NECTIN3: variants seen among roughly 807,000 people sequenced by gnomAD.
NECTIN3 encodes nectin cell adhesion molecule 3, also known as nectin-3.
In NECTIN3, 8 loss-of-function variants were observed where a neutral mutation model predicts 49.4. That is an observed-to-expected ratio of 0.16 (90% CI 0.10 to 0.29). The LOEUF (loss-of-function observed/expected upper bound fraction) is 0.29, where lower values mean the gene tolerates loss of function less well. Ranked by LOEUF, NECTIN3 falls within the 10% of genes least tolerant of loss-of-function variation. NECTIN3 has a pLI of 1.00. For missense variants in NECTIN3, 581 were observed against 654.6 expected (o/e 0.89, Z 1.23); for synonymous variants, 277 against 241.1 (o/e 1.15, Z -1.38).
At chr3:111,093,727 T>C (rs2032413284) in intron 1 of NECTIN3, among the ~76,000 whole-genome samples, 2 of 152,216 alleles carry the variant, frequency 1.3e-5, no homozygotes, top group Admixed American at 6.5e-5. Flanking sequence ...TGAGCCACCG[T>C]GCCTGGCTTT....
chr3:111,075,088 T>C (rs1235646352), intron 1 of NECTIN3: 2 of 152,072 alleles, frequency 1.3e-5, no homozygotes, highest in East Asian at 1.9e-4. Flanking sequence ...GACTACTTGA[T>C]AGGCACTTGG....
At chr3:111,105,339 C>T (rs981556466) in intron 1 of NECTIN3, among the ~76,000 whole-genome samples, 4 of 151,826 alleles carry the variant, frequency 2.6e-5, no homozygotes, top group Admixed American at 2.0e-4. Context: ...GGCCATATTG[C>T]CCAGGCTGGT....
chr3:111,142,942 G>C (rs555899687), intron 5 of NECTIN3, among the ~76,000 whole-genome samples: 4 of 151,932 alleles, frequency 2.6e-5, no homozygotes, highest in Admixed American at 2.6e-4. Flanking sequence ...TTGGTGTGGA[G>C]TAAATAACGT....
intron 1 of NECTIN3, among the ~76,000 whole-genome samples, chr3:111,079,840 T>C (rs140762181): frequency 6.6e-6 from 1 of 152,164 alleles, no homozygotes; most frequent in African/African-American, 2.4e-5. Context: ...TATAGTAGCT[T>C]CCCCATTCCT....
chr3:111,151,078 A>G (rs547298629), intron 7 of NECTIN3, among the ~76,000 whole-genome samples: 1 of 152,014 alleles, frequency 6.6e-6, no homozygotes, highest in Non-Finnish European at 1.5e-5. Context: ...ATTGTTTAGT[A>G]CCATATTCTT....
intron 7 of NECTIN3, among the ~76,000 whole-genome samples, chr3:111,155,717 A>T (rs912193906): frequency 1.3e-5 from 2 of 152,142 alleles, no homozygotes; most frequent in African/African-American, 4.8e-5. Flanking sequence ...AGTTCTTTTG[A>T]TATGTTAAAA....
Position 111,122,336 on chromosome 3 carries a change from T to C in NECTIN3, c.917+98T>C, listed in dbSNP as rs1306456268. The C allele has an allele frequency of 3.6e-6, 3 of 827,490 alleles. No individual in the cohort carries two copies. The African/African-American group carries it at 5.3e-5, about 15-fold the overall frequency. 51.3% of individuals were successfully genotyped at this position (827,490 alleles called of 1,614,324 possible). A position where few individuals can be genotyped will look rare whatever the true frequency, so the allele number is the denominator to read the frequency against. On this transcript the variant is annotated intron_variant, in intron 4 of 5. Transcript: ENST00000485303. ...TTATCTGTATAATACATGATTATAG[T>C]AATAGCAGAAAATTTTAATTAAATT...
intron 2 of NECTIN3, among the ~76,000 whole-genome samples, chr3:111,117,110 G>T (rs938648624): frequency 6.6e-6 from 1 of 151,974 alleles, no homozygotes; most frequent in Admixed American, 6.6e-5. Flanking sequence ...ATATACAATT[G>T]TATGTAAATC....
At chr3:111,109,030 A>C (rs1373035310) in intron 1 of NECTIN3, among the ~76,000 whole-genome samples, 1 of 152,186 alleles carries the variant, frequency 6.6e-6, no homozygotes, top group African/African-American at 2.4e-5. Flanking sequence ...TGGGAAGTCC[A>C]AGATCCATGT....
At chr3:111,192,970 T>C (rs1158622416) in intron 1 of NECTIN3, among the ~76,000 whole-genome samples, 1 of 152,186 alleles carries the variant, frequency 6.6e-6, no homozygotes, top group African/African-American at 2.4e-5. Flanking sequence ...CCAGTCCCCA[T>C]TAGTCACAAT....
intron 5 of NECTIN3, among the ~76,000 whole-genome samples, chr3:111,129,254 C>G (rs987703094): frequency 1.1e-4 from 16 of 152,124 alleles, no homozygotes; most frequent in African/African-American, 3.9e-4. Context: ...ACCCTCCCTT[C>G]TCACCCCTTT....
chr3:111,093,355 A>G (rs893913179), intron 1 of NECTIN3, among the ~76,000 whole-genome samples: 6 of 152,020 alleles, frequency 3.9e-5, no homozygotes, highest in East Asian at 1.9e-4. Context: ...TAGTGTGACC[A>G]TATTTTAAAG....
rs1235915667 is a variant in NECTIN3, at chr3:111,136,963, T to C, written c.*2748T>C. 2.0e-6 allele frequency: 2 copies of C among 976,038 alleles called. No individual in the cohort carries two copies. Among genetic ancestry groups the C allele is most frequent in the African/African-American group, 1.8e-5 (1 of 56,972 alleles). The allele number at this position is 976,038 out of a possible 1,614,324, so 60.5% of individuals were successfully genotyped here. On this transcript the variant is annotated 3_prime_UTR_variant, in exon 6 of 6. Transcript: ENST00000485303. ...TACCACGTGCCTAGTAGGGTTCTAT[T>C]TGCTAACTCTAATATTGAGGAAACT...
At chr3:111,108,151 A>G (rs2033268427) in intron 1 of NECTIN3, among the ~76,000 whole-genome samples, 2 of 152,158 alleles carry the variant, frequency 1.3e-5, no homozygotes, top group African/African-American at 4.8e-5. Flanking sequence ...AAGATGAAAA[A>G]TAAATCTTGA....
At chr3:111,167,903 C>G (rs2035351710) in intron 7 of NECTIN3, among the ~76,000 whole-genome samples, 1 of 152,052 alleles carries the variant, frequency 6.6e-6, no homozygotes, top group Non-Finnish European at 1.5e-5. Flanking sequence ...ACATTATGTA[C>G]CAGCTTCTGT....
At chr3:111,148,138 G>A (rs2034921431) in intron 7 of NECTIN3, among the ~76,000 whole-genome samples, 1 of 152,120 alleles carries the variant, frequency 6.6e-6, no homozygotes, top group Admixed American at 6.5e-5. Context: ...CTGTACTGGG[G>A]TTGTATAACC....
chr3:111,071,955 G>A lies in NECTIN3; in HGVS notation c.-63G>A. 1 of 1,263,116 alleles carries A rather than the reference G, an allele frequency of 7.9e-7. No individual in the cohort carries two copies. The highest frequency in any genetic ancestry group is 1.8e-5 in the South Asian group (1 of 55,618). 78.2% of individuals were successfully genotyped at this position (1,263,116 alleles called of 1,614,324 possible). A position where few individuals can be genotyped will look rare whatever the true frequency, so the allele number is the denominator to read the frequency against. Reference sequence around the variant, plus strand: ...CTTCCACAGCCTCCGCCCAGAGCCTGAGGCGCCGGGGCCGGGGGAGCCGGG... The same window carrying A: ...CTTCCACAGCCTCCGCCCAGAGCCTAAGGCGCCGGGGCCGGGGGAGCCGGG... On this transcript the variant is annotated 5_prime_UTR_variant, in exon 1 of 6. Transcript: ENST00000485303.
chr3:111,078,374 C>T (rs1320623609), intron 1 of NECTIN3, among the ~76,000 whole-genome samples: 1 of 152,078 alleles, frequency 6.6e-6, no homozygotes, highest in Non-Finnish European at 1.5e-5. Flanking sequence ...TGCTTTCAGG[C>T]TTAAAACAGT....
At chr3:111,086,159 G>GTTTAT (rs2031911076) in intron 1 of NECTIN3, among the ~76,000 whole-genome samples, 1 of 151,712 alleles carries the variant, frequency 6.6e-6, no homozygotes, top group African/African-American at 2.4e-5. Flanking sequence ...TCTTTTTATG[G>GTTTAT]GTTCCTAGGA....
Sources: allele counts gnomAD v4.1 joint callset (sites outside exome capture counted in the v4.1 genomes callset), GRCh38; gene constraint gnomAD v4.1.1; transcripts MANE v1.5; gene names NCBI Gene and HGNC (gene_info 2026-07-23, HGNC 2026-07-21).